GATB: variants seen among roughly 807,000 people sequenced by gnomAD.
GATB encodes glutamyl-tRNA(Gln) amidotransferase subunit B, mitochondrial.
Under a neutral mutation model 62.3 loss-of-function variants are expected in GATB, and 39 were observed. That is an observed-to-expected ratio of 0.63 (90% CI 0.48 to 0.82). The LOEUF (loss-of-function observed/expected upper bound fraction) is 0.82, where lower values mean the gene tolerates loss of function less well. Ranked by LOEUF, GATB falls within the 40% of genes least tolerant of loss-of-function variation. GATB has a pLI of 0.00. For synonymous variants in GATB, 276 were observed against 258.9 expected (o/e 1.07, Z -0.63); for missense variants, 670 against 684.0 (o/e 0.98, Z 0.23).
intron 2 of GATB, among the ~76,000 whole-genome samples, chr4:151,732,416 C>T (rs1739287101): frequency 6.6e-6 from 1 of 152,170 alleles, no homozygotes; most frequent in African/African-American, 2.4e-5. Flanking sequence ...ATCTGTGACC[C>T]TGCCCCCAAC....
chr4:151,756,284 A>G (rs1051604933), intron 2 of GATB, among the ~76,000 whole-genome samples: 2 of 152,226 alleles, frequency 1.3e-5, no homozygotes, highest in Admixed American at 6.5e-5. Flanking sequence ...GTTTCTTATG[A>G]ATGGAGTTAT....
At chr4:151,679,752 TCA>T (rs2126955797) in intron 11 of GATB, 59 bp downstream of exon 11, 2 of 1,373,608 alleles carry the variant, frequency 1.5e-6, no homozygotes, top group Non-Finnish European at 2.1e-6. Flanking sequence ...CATTTGGGTG[TCA>T]CAGAAAACAT....
chr4:151,692,040 T>G (rs950633906), intron 9 of GATB, among the ~76,000 whole-genome samples: 1 of 152,232 alleles, frequency 6.6e-6, no homozygotes, highest in African/African-American at 2.4e-5. Flanking sequence ...GTGAGGCTAC[T>G]GCTGCTGCTG....
chr4:151,736,354 T>C (rs2126989954), intron 2 of GATB, among the ~76,000 whole-genome samples: 1 of 152,378 alleles, frequency 6.6e-6, no homozygotes, highest in East Asian at 1.9e-4. Flanking sequence ...TCCCCAATTA[T>C]ATATTTTCTA....
intron 2 of GATB, among the ~76,000 whole-genome samples, chr4:151,754,707 T>C (rs1578944101): frequency 1.3e-5 from 2 of 152,014 alleles, no homozygotes; most frequent in Non-Finnish European, 2.9e-5. Context: ...ACACTCCAAA[T>C]AACTACAGAT....
At chr4:151,721,952 TG>T in intron 2 of GATB, 1 of 541,734 alleles carries the variant, frequency 1.8e-6, no homozygotes, top group Non-Finnish European at 3.2e-6. Flanking sequence ...AACATTACAG[TG>T]ATACTGAGAA....
chr4:151,697,536 C>T (rs76911978), intron 9 of GATB, among the ~76,000 whole-genome samples: 3,895 of 151,778 alleles, frequency 0.026, 145 homozygotes, highest in African/African-American at 0.088. Context: ...ATTTGGGTGA[C>T]GGTTACACTG....
At chr4:151,738,006 G>T (rs1170795773) in intron 2 of GATB, among the ~76,000 whole-genome samples, 1 of 152,198 alleles carries the variant, frequency 6.6e-6, no homozygotes. Context: ...TGGAGTCAGA[G>T]CCCCCAGAGC....
rs548311784 is a variant in GATB, at chr4:151,732,479, C to G, written c.328-12941G>C. ...CACTCAGGGTTGAATGGATTAAGGG[C>G]GGTGCAAGATGTGCTTTGTTAAACA... On this transcript the variant is annotated intron_variant, in intron 2 of 12. Transcript: ENST00000263985. Among the ~76,000 whole-genome samples, 3 of 152,094 alleles carry G rather than the reference C, an allele frequency of 2.0e-5. No individual in the cohort carries two copies. The South Asian group carries it at 6.2e-4, about 32-fold the overall frequency.
intron 2 of GATB, among the ~76,000 whole-genome samples, chr4:151,735,235 G>GAAAAA (rs530781519): frequency 3.0e-5 from 3 of 98,828 alleles, no homozygotes; most frequent in African/African-American, 3.3e-5. Context: ...AAATCAGTAA[G>GAAAAA]AAAAAAAAAA....
intron 5 of GATB, 112 bp from the exon 6 acceptor site, chr4:151,708,213 T>C (rs1408746160): frequency 1.1e-5 from 8 of 707,198 alleles, no homozygotes; most frequent in South Asian, 1.8e-5. Flanking sequence ...TGTTTAGTTA[T>C]AGCAGCCTAA....
rs1229464651 is a variant in GATB at position 151,730,022 on chromosome 4, G to T, written c.328-10484C>A. Among the ~76,000 whole-genome samples the T allele has an allele frequency of 1.3e-5, 2 of 152,204 alleles. No homozygotes were observed. Among genetic ancestry groups the T allele is most frequent in the South Asian group, 4.2e-4 (2 of 4,818 alleles). On this transcript the variant is annotated intron_variant, in intron 2 of 12. Transcript: ENST00000263985. This position sits in a 1 kb window ranked among gnomAD's most constrained non-coding sequence, Gnocchi z 4.1. ...CCGGGAGACACCCCAAATACTCTGG[G>T]AAGTGGAAAGCCTCAGGCAAGTTTT... is the stretch of plus-strand genomic sequence containing the variant.
chr4:151,707,694 C>T (rs1321823947), intron 6 of GATB, among the ~76,000 whole-genome samples: 1 of 152,172 alleles, frequency 6.6e-6, no homozygotes, highest in Non-Finnish European at 1.5e-5. Flanking sequence ...CCCACTGCCT[C>T]ATAAGAAAGC....
rs1289989424 is a variant in GATB at position 151,704,907 on chromosome 4, C to A, written c.962+278G>T. ...GGGACTACAGGCACCCATCACCATGCCCGGCTAATTTTTTGTATTTTTTTA... is the reference window on the plus strand; with the variant it reads ...GGGACTACAGGCACCCATCACCATGACCGGCTAATTTTTTGTATTTTTTTA... On this transcript the variant is annotated intron_variant, in intron 7 of 12. Coordinates refer to ENST00000263985, the MANE Select transcript of GATB (RefSeq NM_004564.3). Among the ~76,000 whole-genome samples the A allele has an allele frequency of 2.6e-5, 4 of 151,698 alleles. No individual in the cohort carries two copies. In the East Asian group the frequency reaches 5.8e-4, roughly 22 times the overall value.
chr4:151,733,688 T>C (rs1739313207), intron 2 of GATB, among the ~76,000 whole-genome samples: 1 of 152,198 alleles, frequency 6.6e-6, no homozygotes, highest in South Asian at 2.1e-4. Flanking sequence ...GAATGATAGA[T>C]GCTAAAATCC....
At chr4:151,674,884 G>C (rs911678923) in intron 11 of GATB, 2 of 152,224 alleles carry the variant, frequency 1.3e-5, no homozygotes, top group East Asian at 3.8e-4. Context: ...AAAACCAGGC[G>C]GACGAGCAGC....
At chr4:151,736,153 A>G (rs1190894382) in intron 2 of GATB, among the ~76,000 whole-genome samples, 1 of 152,202 alleles carries the variant, frequency 6.6e-6, no homozygotes, top group Non-Finnish European at 1.5e-5. Context: ...TATGCCATAG[A>G]TTCAATTAAG....
In GATB at chr4:151,719,470, C is replaced by A; in HGVS notation, c.396G>T (p.Lys132Asn). The change falls in exon 3 of 13, where the codon AAG becomes AAT. Residue 132 changes from lysine to asparagine, a missense_variant. Transcript: ENST00000263985. ...TGLALNCHIN[K>N]KSLFDRKHYF... Reference sequence around the variant, plus strand: ...AGTGCTTCCTGTCAAACAAGGACTTCTTGTTTATGTGGCAGTTCAGAGCCA... The same window carrying A: ...AGTGCTTCCTGTCAAACAAGGACTTATTGTTTATGTGGCAGTTCAGAGCCA... The A allele has an allele frequency of 6.2e-7, 1 of 1,612,230 alleles. No homozygotes were observed.
At position 151,731,715 on chromosome 4, in the gene GATB, C is replaced by A. The variant is rs569344235; in HGVS notation, c.328-12177G>T. Among the ~76,000 whole-genome samples the A allele has an allele frequency of 8.1e-3, 1,224 of 151,880 alleles. 12 individuals carry two copies. The highest frequency in any genetic ancestry group is 0.028 in the African/African-American group (1,145 of 41,398). Reference sequence around the variant, plus strand: ...CCATCGTCTGAGATGTGGGGAGCGCCTCTGCCCCGCTGCCCCGTCTGGGAT... The same window carrying A: ...CCATCGTCTGAGATGTGGGGAGCGCATCTGCCCCGCTGCCCCGTCTGGGAT... On this transcript the variant is annotated intron_variant, in intron 2 of 12. Transcript: ENST00000263985.
Sources: allele counts gnomAD v4.1 joint callset (sites outside exome capture counted in the v4.1 genomes callset), GRCh38; gene constraint gnomAD v4.1.1; non-coding constraint Gnocchi (gnomAD v3.1); transcripts MANE v1.5; gene names NCBI Gene and HGNC (gene_info 2026-07-23, HGNC 2026-07-21).